The following SIN3B variants were observed in gnomAD, a reference collection of about 807,000 sequenced individuals.
SIN3B encodes SIN3 transcription regulator family member B, also known as paired amphipathic helix protein Sin3b.
In SIN3B, 19 loss-of-function variants were observed where a neutral mutation model predicts 120.2. That is an observed-to-expected ratio of 0.16 (90% confidence interval 0.11 to 0.23). The LOEUF is 0.23. SIN3B is among the 10% of genes least tolerant of loss of function. SIN3B has a pLI of 1.00. For missense variants in SIN3B, 1,073 were observed against 1,573.0 expected, an observed-to-expected ratio of 0.68 and a Z score of 5.38; for synonymous variants, 654 against 653.2, an observed-to-expected ratio of 1.00 and a Z score of -0.02.
At position 16,878,219 on chromosome 19, in the gene SIN3B, G is replaced by A; in HGVS notation, c.2991G>A (p.Glu997=). ...LKKFRRRWQS[E]QARALRGEAR... is the part of the protein sequence containing the mutation. ...AGTTCCGCCGCCGGTGGCAGAGCGAGCAGGCGCGGGCCCTGCGCGGTGAGG... is the reference window on the plus strand; with the variant it reads ...AGTTCCGCCGCCGGTGGCAGAGCGAACAGGCGCGGGCCCTGCGCGGTGAGG... Residue 997 remains glutamate (E), a synonymous_variant, in exon 18 of 19, where the codon GAG becomes GAA. Transcript: ENST00000248054. 1.3e-6 allele frequency: 2 copies of A among 1,591,206 alleles called. No individual in the cohort carries two copies. The highest frequency in any genetic ancestry group is 8.6e-7 in the Non-Finnish European group (1 of 1,167,438).
intron 10 of SIN3B, 103 bp from the exon 11 acceptor site, chr19:16,865,307 C>A: frequency 3.4e-6 from 1 of 297,388 alleles, no homozygotes. Context: ...AATACACACA[C>A]CCCCCCCCCA....
chr19:16,864,150 C>T (rs768357302), intron 10 of SIN3B, among the ~76,000 whole-genome samples: 13 of 151,858 alleles, frequency 8.6e-5, no homozygotes, highest in Non-Finnish European at 1.3e-4. Context: ...AAAAATTAGC[C>T]GGGCGTGGTG....
In SIN3B at chr19:16,860,639, C is replaced by T. The variant is rs376311203; in HGVS notation, c.1059-1713C>T. Among the ~76,000 whole-genome samples the T allele has an allele frequency of 5.5e-4, 76 of 139,292 alleles. 2 individuals are homozygous for T. The highest frequency in any genetic ancestry group is 8.7e-3 in the Middle Eastern group (2 of 230). The allele number at this position is 139,292 out of a possible 152,430, so 91.4% of individuals were successfully genotyped here. ...TTTTTGAGACGGAGTCTCGCTCTGT[C>T]GCCCAGGCTGGAGTGCAGTGGCGTG... On this transcript the variant is annotated intron_variant, in intron 8 of 18. Coordinates refer to ENST00000248054, the MANE Select transcript of SIN3B (RefSeq NM_001297595.2).
At chr19:16,840,022 C>T (rs1599590969) in intron 3 of SIN3B, among the ~76,000 whole-genome samples, 1 of 152,074 alleles carries the variant, frequency 6.6e-6, no homozygotes, top group African/African-American at 2.4e-5. Context: ...AAGAACAAAT[C>T]CCGCCACCAA....
rs556877067 is a variant in SIN3B at position 16,877,674 on chromosome 19, C to T, written c.2954+35C>T. Reference sequence around the variant, plus strand: ...CCTGAGATGCATGCTCTGTTCCTTCCTTCCTGGGCCCAGGGAGTGTCCCCT... The same window carrying T: ...CCTGAGATGCATGCTCTGTTCCTTCTTTCCTGGGCCCAGGGAGTGTCCCCT... On this transcript the variant is annotated intron_variant, in intron 17 of 18. Coordinates refer to ENST00000248054, the MANE Select transcript of SIN3B (RefSeq NM_001297595.2). The T allele has an allele frequency of 1.1e-4, 163 of 1,428,816 alleles. No individual in the cohort carries two copies. In the African/African-American group the frequency reaches 2.0e-3, roughly 17 times the overall value. 88.5% of individuals were successfully genotyped at this position (1,428,816 alleles called of 1,614,324 possible). A position where few individuals can be genotyped will look rare whatever the true frequency, so the allele number is the denominator to read the frequency against.
intron 12 of SIN3B, among the ~76,000 whole-genome samples, chr19:16,867,445 G>A (rs1971791818): frequency 6.6e-6 from 1 of 152,176 alleles, no homozygotes; most frequent in Non-Finnish European, 1.5e-5. Flanking sequence ...GCTGTGTGTA[G>A]GGAGTGCCTG....
At chr19:16,866,581 G>A in intron 12 of SIN3B, 25 bp downstream of exon 12, 3 of 1,610,512 alleles carry the variant, frequency 1.9e-6, no homozygotes, top group Non-Finnish European at 2.5e-6. Context: ...AGCCCTGCCG[G>A]CCGGTGGGGG....
intron 7 of SIN3B, among the ~76,000 whole-genome samples, chr19:16,853,833 CTG>C (rs1200142748): frequency 6.6e-6 from 1 of 150,698 alleles, no homozygotes; most frequent in Non-Finnish European, 1.5e-5. Context: ...CGTGCAGGGA[CTG>C]TGTGAATTGC....
Position 16,876,329 on chromosome 19 carries a change from C to T in SIN3B, c.2766+101C>T, listed in dbSNP as rs912275493. ...GACCCTGGTTCAGCGGCTGGGACAC[C>T]GGCCCTGCTGCAGAGCCCATGAGGT... On this transcript the variant is annotated intron_variant, in intron 15 of 18. Coordinates refer to ENST00000248054, the MANE Select transcript of SIN3B (RefSeq NM_001297595.2). The surrounding 1 kb of genome is among the most constrained non-coding windows in gnomAD (Gnocchi z 7.1). 11 of 1,432,172 alleles carry T rather than the reference C, an allele frequency of 7.7e-6. No individual in the cohort carries two copies. Among genetic ancestry groups the T allele is most frequent in the South Asian group, 1.3e-5 (1 of 76,104 alleles). The allele number at this position is 1,432,172 out of a possible 1,614,324, so 88.7% of individuals were successfully genotyped here.
At position 16,866,450 on chromosome 19, in the gene SIN3B, C is replaced by T. The variant is rs753502048; in HGVS notation, c.1700C>T (p.Ala567Val). The T allele has an allele frequency of 9.9e-6, 16 of 1,613,778 alleles. No homozygotes were observed. The highest frequency in any genetic ancestry group is 1.4e-5 in the Non-Finnish European group (16 of 1,179,988). Residue 567 changes from alanine (A) to valine (V), a missense_variant, in exon 12 of 19, where the codon GCG (alanine) becomes GTG (valine). Coordinates refer to ENST00000248054, the MANE Select transcript of SIN3B (RefSeq NM_001297595.2). Reference sequence around the variant, plus strand: ...ATCTGGCGGGAGCAGTATGAGAAGGCGTACCTCAAGTCCCTTGACCACCAG... The same window carrying T: ...ATCTGGCGGGAGCAGTATGAGAAGGTGTACCTCAAGTCCCTTGACCACCAG... ...NKIWREQYEK[A>V]YLKSLDHQAV...
chr19:16,846,931 T>G (rs752063255), intron 4 of SIN3B, 39 bp from the exon 5 acceptor site: 1 of 1,604,148 alleles, frequency 6.2e-7, no homozygotes, highest in South Asian at 1.1e-5. Context: ...CAGCACTCCT[T>G]GACTAACGAC....
intron 14 of SIN3B, among the ~76,000 whole-genome samples, chr19:16,873,462 C>T (rs1383750979): frequency 6.6e-6 from 1 of 152,122 alleles, no homozygotes; most frequent in Non-Finnish European, 1.5e-5. Flanking sequence ...CACCCAGGGC[C>T]CAGCACATGG....
At chr19:16,863,454 T>C (rs1024341378) in intron 9 of SIN3B, 3 of 566,866 alleles carry the variant, frequency 5.3e-6, no homozygotes, top group Non-Finnish European at 9.4e-6. Context: ...GATTTGGGTC[T>C]TCAGGGGTGG....
At chr19:16,865,073 C>T (rs974723963) in intron 10 of SIN3B, 39 of 198,492 alleles carry the variant, frequency 2.0e-4, no homozygotes, top group Admixed American at 8.5e-4. Flanking sequence ...CCTTGTGATC[C>T]GCCCATCTCA....
rs1258614170 is a variant in SIN3B, at chr19:16,871,224, C to T, written c.2423-5C>T. ...GCATATGGATGAGGCGGTGTGTCTC[C>T]GCAGGTGAAGTGGAGCTGGAGGAGT... On this transcript the variant is annotated splice_polypyrimidine_tract_variant and splice_region_variant and intron_variant, in intron 13 of 18. Transcript: ENST00000248054. The T allele has an allele frequency of 1.9e-6, 3 of 1,613,956 alleles. No individual in the cohort carries two copies. The highest frequency in any genetic ancestry group is 2.5e-6 in the Non-Finnish European group (3 of 1,179,972).
intron 14 of SIN3B, among the ~76,000 whole-genome samples, chr19:16,874,693 G>A (rs560388816): frequency 6.6e-6 from 1 of 151,416 alleles, no homozygotes; most frequent in Admixed American, 6.6e-5. Flanking sequence ...GATCTGGTCT[G>A]TTTGGTCTGG....
At position 16,829,476 on chromosome 19, in the gene SIN3B, G is replaced by A; in HGVS notation, c.56G>A (p.Arg19Gln). ...GGSGAGGPAG[R>Q]GLSGARWGRS... ...AGCGGTGCCGGCGGCCCCGCGGGCCGGGGGCTGAGCGGCGCCCGCTGGGGT... is the reference window on the plus strand; with the variant it reads ...AGCGGTGCCGGCGGCCCCGCGGGCCAGGGGCTGAGCGGCGCCCGCTGGGGT... The change falls in exon 1 of 19, where the codon CGG becomes CAG. Residue 19 changes from arginine (R) to glutamine (Q), a missense_variant. By Grantham distance (43) the Arg-to-Gln change is conservative. This residue lies in a region of SIN3B where 395 missense variants were observed against 528.0 expected (regional missense o/e 0.75). Transcript: ENST00000248054. 1 of 1,218,476 alleles carries A rather than the reference G, an allele frequency of 8.2e-7. No homozygotes were observed. The highest frequency in any genetic ancestry group is 1.0e-6 in the Non-Finnish European group (1 of 979,204). 75.5% of individuals were successfully genotyped at this position (1,218,476 alleles called of 1,614,324 possible).
intron 14 of SIN3B, among the ~76,000 whole-genome samples, chr19:16,873,569 G>A (rs1202637228): frequency 6.6e-6 from 1 of 151,204 alleles, no homozygotes; most frequent in Non-Finnish European, 1.5e-5. Flanking sequence ...TGGCTTCGGG[G>A]ACAGCAACCT....
chr19:16,838,187 A>C (rs1460484576), intron 3 of SIN3B, among the ~76,000 whole-genome samples: 1 of 152,138 alleles, frequency 6.6e-6, no homozygotes, highest in Non-Finnish European at 1.5e-5. Context: ...CAAAGGATTA[A>C]ATTTTTAAAA....
Sources: gnomAD v4.1 joint callset for allele counts (sites outside exome capture counted in the v4.1 genomes callset) on GRCh38, gnomAD v4.1.1 for gene constraint, gnomAD v4.1.1 regional missense constraint, Gnocchi (gnomAD v3.1) non-coding constraint, MANE v1.5 for transcripts, NCBI Gene and HGNC (gene_info 2026-07-23, HGNC 2026-07-21) for gene names.